The following WDFY2 variants were observed in gnomAD, a reference collection of about 807,000 sequenced individuals.
WDFY2 encodes the protein WD repeat and FYVE domain-containing protein 2.
WDFY2 carries 36 observed loss-of-function variants against 56.4 expected under a neutral mutation model. The ratio of observed to expected loss-of-function variants is 0.64; its 90% CI spans 0.49 to 0.84. The LOEUF is 0.84. Ranked by LOEUF, WDFY2 falls within the 40% of genes least tolerant of loss-of-function variation. WDFY2 has a pLI of 0.00. For synonymous variants in WDFY2, 176 were observed against 183.7 expected, an observed-to-expected ratio of 0.96 and a Z score of 0.34; for missense variants, 444 against 512.2, an observed-to-expected ratio of 0.87 and a Z score of 1.29.
At chr13:51,651,971 C>T (rs1373165760) in intron 1 of WDFY2, among the ~76,000 whole-genome samples, 1 of 152,082 alleles carries the variant, frequency 6.6e-6, no homozygotes, top group African/African-American at 2.4e-5. Flanking sequence ...CTTTCTGTCT[C>T]GTTGATCTGT....
intron 4 of WDFY2, among the ~76,000 whole-genome samples, chr13:51,718,694 G>A (rs567107308): frequency 1.3e-5 from 2 of 152,038 alleles, no homozygotes; most frequent in Non-Finnish European, 2.9e-5. Flanking sequence ...GAAAGAAAGT[G>A]TTCATCTAGA....
At chr13:51,709,820 G>A (rs1278455993) in intron 4 of WDFY2, among the ~76,000 whole-genome samples, 4 of 152,114 alleles carry the variant, frequency 2.6e-5, no homozygotes, top group African/African-American at 7.2e-5. Flanking sequence ...AAAAGTCCAG[G>A]ACCAGACGGA....
At chr13:51,753,580 C>G (rs1828652176) in intron 8 of WDFY2, among the ~76,000 whole-genome samples, 1 of 152,212 alleles carries the variant, frequency 6.6e-6, no homozygotes, top group Non-Finnish European at 1.5e-5. Context: ...ACATTTTTCT[C>G]TACACATAAC....
intron 5 of WDFY2, among the ~76,000 whole-genome samples, chr13:51,725,658 A>C (rs1333248123): frequency 6.6e-6 from 1 of 151,754 alleles, no homozygotes; most frequent in Non-Finnish European, 1.5e-5. Context: ...ATGTATATAC[A>C]TATGTGTGTG....
At chr13:51,723,116 C>G (rs759534436) in intron 5 of WDFY2, among the ~76,000 whole-genome samples, 8 of 152,132 alleles carry the variant, frequency 5.3e-5, no homozygotes, top group Admixed American at 1.3e-4. Flanking sequence ...ATACTTAATG[C>G]CAGTCATTCA....
At chr13:51,721,180 C>T (rs1286299225) in intron 5 of WDFY2, among the ~76,000 whole-genome samples, 1 of 152,016 alleles carries the variant, frequency 6.6e-6, no homozygotes, top group Admixed American at 6.6e-5. Flanking sequence ...TGGCTGAAGC[C>T]CAGAAAGGGT....
At chr13:51,674,961 A>G (rs1452393073) in intron 2 of WDFY2, among the ~76,000 whole-genome samples, 1 of 152,218 alleles carries the variant, frequency 6.6e-6, no homozygotes, top group Admixed American at 6.5e-5. Flanking sequence ...AGAATATCTT[A>G]TTTGTTATAT....
chr13:51,661,854 C>A (rs773372751), intron 2 of WDFY2, among the ~76,000 whole-genome samples: 1 of 152,130 alleles, frequency 6.6e-6, no homozygotes, highest in Non-Finnish European at 1.5e-5. Flanking sequence ...AAGATACTGT[C>A]GTACATTACA....
intron 1 of WDFY2, among the ~76,000 whole-genome samples, chr13:51,654,549 C>G (rs1295393700): frequency 6.6e-6 from 1 of 152,158 alleles, no homozygotes; most frequent in Non-Finnish European, 1.5e-5. Flanking sequence ...TGGCTCCACC[C>G]AGACTTTTTT....
At chr13:51,722,961 T>C (rs986009751) in intron 5 of WDFY2, among the ~76,000 whole-genome samples, 2 of 152,240 alleles carry the variant, frequency 1.3e-5, no homozygotes, top group African/African-American at 2.4e-5. Flanking sequence ...TATTCTATTT[T>C]AGGATTTTGT....
intron 6 of WDFY2, among the ~76,000 whole-genome samples, chr13:51,738,150 T>C (rs748270461): frequency 1.3e-5 from 2 of 152,252 alleles, no homozygotes; most frequent in Non-Finnish European, 2.9e-5. Flanking sequence ...TTATGTTCTT[T>C]TCAGAATATA....
chr13:51,634,264 G>GTTT (rs1222218028), intron 1 of WDFY2, among the ~76,000 whole-genome samples: 1 of 140,500 alleles, frequency 7.1e-6, no homozygotes, highest in Non-Finnish European at 1.6e-5. Flanking sequence ...CCCTAGAAGT[G>GTTT]TTTTTTTTTT....
intron 3 of WDFY2, among the ~76,000 whole-genome samples, chr13:51,696,534 A>G (rs1951880287): frequency 6.6e-6 from 1 of 152,226 alleles, no homozygotes; most frequent in South Asian, 2.1e-4. Context: ...GACTCAGTTC[A>G]TTGAAAGCAA....
intron 4 of WDFY2, among the ~76,000 whole-genome samples, chr13:51,707,974 A>G (rs2138594929): frequency 4.0e-5 from 1 of 24,998 alleles, no homozygotes. Flanking sequence ...TTTTTTTTGG[A>G]GACTGAGTCT....
intron 1 of WDFY2, among the ~76,000 whole-genome samples, chr13:51,607,203 TAAAA>T (rs1188621407): frequency 6.6e-6 from 1 of 152,186 alleles, no homozygotes; most frequent in Non-Finnish European, 1.5e-5. Flanking sequence ...GTTAGTGACT[TAAAA>T]CAACAATCAT....
At chr13:51,693,768 A>C (rs1478598314) in intron 3 of WDFY2, among the ~76,000 whole-genome samples, 1 of 152,076 alleles carries the variant, frequency 6.6e-6, no homozygotes, top group Admixed American at 6.5e-5. Context: ...GATCTGTCTA[A>C]TGTTGACAGT....
chr13:51,605,371 A>G (rs1954367466), intron 1 of WDFY2, among the ~76,000 whole-genome samples: 1 of 152,208 alleles, frequency 6.6e-6, no homozygotes, highest in African/African-American at 2.4e-5. Context: ...GAGGATAGAA[A>G]TAGAATTTAT....
At chr13:51,658,199 T>C (rs985648215) in intron 1 of WDFY2, among the ~76,000 whole-genome samples, 2 of 152,246 alleles carry the variant, frequency 1.3e-5, no homozygotes, top group South Asian at 2.1e-4. Context: ...TTGCAAATAC[T>C]ATATTCCTTG....
chr13:51,686,331 C>A (rs76205864), intron 3 of WDFY2, among the ~76,000 whole-genome samples: 1 of 152,092 alleles, frequency 6.6e-6, no homozygotes, highest in African/African-American at 2.4e-5. Context: ...GGTCTTGGCA[C>A]TCAGTAAGCC....
Sources: allele counts gnomAD v4.1 joint callset (sites outside exome capture counted in the v4.1 genomes callset), GRCh38; gene constraint gnomAD v4.1.1; transcripts MANE v1.5; gene names NCBI Gene and HGNC (gene_info 2026-07-23, HGNC 2026-07-21).